SPIDR: variants seen among roughly 807,000 people sequenced by gnomAD.
SPIDR encodes scaffold protein involved in DNA repair.
A neutral mutation model predicts 104.6 loss-of-function variants in SPIDR; 93 were observed. That is an observed-to-expected ratio of 0.89 (90% confidence interval 0.75 to 1.06). The LOEUF is 1.06. Ranked by LOEUF, SPIDR falls within the 50% of genes least tolerant of loss-of-function variation. The pLI is 0.00. For missense variants in SPIDR, 1,154 were observed against 1,111.2 expected, an observed-to-expected ratio of 1.04 and a Z score of -0.55; for synonymous variants, 431 against 416.9, an observed-to-expected ratio of 1.03 and a Z score of -0.41.
chr8:47,558,776 A>G (rs1235592156), intron 8 of SPIDR, among the ~76,000 whole-genome samples: 2 of 152,016 alleles, frequency 1.3e-5, no homozygotes, highest in East Asian at 1.9e-4. Context: ...AGTAGCTCGG[A>G]CTACAGGCGC....
Position 47,507,605 on chromosome 8 carries a change from C to T in SPIDR, c.1097+67063C>T, listed in dbSNP as rs148551319. Among the ~76,000 whole-genome samples the T allele has an allele frequency of 2.8e-3, 426 of 152,302 alleles. 2 individuals are homozygous for T. The highest frequency in any genetic ancestry group is 1.0e-2 in the African/African-American group (414 of 41,564). On this transcript the variant is annotated intron_variant, in intron 8 of 19. Transcript: ENST00000297423. ...ATCAGTAATATAAGCTTCTTGTTGA[C>T]GGAACTTAATTTTGGATGCTATTCA...
At chr8:47,586,648 G>A (rs2060282121) in intron 8 of SPIDR, among the ~76,000 whole-genome samples, 1 of 152,120 alleles carries the variant, frequency 6.6e-6, no homozygotes, top group African/African-American at 2.4e-5. Context: ...TTGGTATGTG[G>A]TTTGAAATTG....
rs1353971937 is a variant in SPIDR, at chr8:47,501,082, T to C, written c.1097+60540T>C. 3.3e-5 allele frequency among the ~76,000 whole-genome samples: 5 copies of C among 152,318 alleles called. 1 individual carries two copies. Among genetic ancestry groups the C allele is most frequent in the African/African-American group, 7.2e-5 (3 of 41,586 alleles). On this transcript the variant is annotated intron_variant, in intron 8 of 19. Coordinates refer to ENST00000297423, the MANE Select transcript of SPIDR (RefSeq NM_001080394.4). ...AGTTTGAAGTCAGGTAGCGTGATGC[T>C]TCCAGCTTTGTTCTTTTGGCTTAGG...
At chr8:47,635,181 A>G (rs2067702538) in intron 10 of SPIDR, among the ~76,000 whole-genome samples, 1 of 151,990 alleles carries the variant, frequency 6.6e-6, no homozygotes, top group Non-Finnish European at 1.5e-5. Flanking sequence ...ACTTAAAAAA[A>G]AAAAATACAA....
At chr8:47,566,055 G>A (rs1460360012) in intron 8 of SPIDR, among the ~76,000 whole-genome samples, 2 of 124,114 alleles carry the variant, frequency 1.6e-5, no homozygotes, top group South Asian at 2.7e-4. Context: ...TGCACAGGCT[G>A]GAGTGCAGTG....
intron 8 of SPIDR, among the ~76,000 whole-genome samples, chr8:47,467,534 C>T (rs950311196): frequency 6.6e-6 from 1 of 152,154 alleles, no homozygotes; most frequent in Non-Finnish European, 1.5e-5. Context: ...GGCTTTATCC[C>T]TGGGATGCAA....
intron 8 of SPIDR, among the ~76,000 whole-genome samples, chr8:47,571,568 T>G (rs1436416808): frequency 6.6e-6 from 1 of 152,138 alleles, no homozygotes; most frequent in Non-Finnish European, 1.5e-5. Context: ...AAATGCAAAT[T>G]TAATTAATAT....
chr8:47,444,025 C>T (rs1364170011), intron 8 of SPIDR, among the ~76,000 whole-genome samples: 2 of 152,006 alleles, frequency 1.3e-5, no homozygotes, highest in Admixed American at 1.3e-4. Context: ...AAGTCACCAA[C>T]TTACAAAAAA....
At chr8:47,424,182 G>A (rs988557917) in intron 7 of SPIDR, among the ~76,000 whole-genome samples, 7 of 152,224 alleles carry the variant, frequency 4.6e-5, no homozygotes, top group Admixed American at 1.3e-4. Flanking sequence ...CTGAGTTCAG[G>A]AGATGTGAGT....
chr8:47,703,318 G>A (rs1411819582), intron 14 of SPIDR, among the ~76,000 whole-genome samples: 1 of 152,222 alleles, frequency 6.6e-6, no homozygotes, highest in Non-Finnish European at 1.5e-5. Context: ...GAATAAGAGA[G>A]TGACTAAAAG....
chr8:47,368,343 CAAAAAAAAAAAAAAAAAAAAA>C (rs34106189), intron 5 of SPIDR, among the ~76,000 whole-genome samples: 117 of 49,418 alleles, frequency 2.4e-3, no homozygotes, highest in East Asian at 9.8e-3. Flanking sequence ...GTTGAGAAGT[CAAAAAAAAAAAAAAAAAAAAA>C]AAAAAAAAAA....
At chr8:47,452,375 A>G (rs2071973579) in intron 8 of SPIDR, among the ~76,000 whole-genome samples, 1 of 152,204 alleles carries the variant, frequency 6.6e-6, no homozygotes, top group Non-Finnish European at 1.5e-5. Context: ...GGCCAGCATC[A>G]TCCTGATACC....
At chr8:47,537,916 C>T (rs1375538859) in intron 8 of SPIDR, among the ~76,000 whole-genome samples, 3 of 152,172 alleles carry the variant, frequency 2.0e-5, no homozygotes, top group African/African-American at 7.2e-5. Context: ...GTGGCTCACA[C>T]CTGTAATCCC....
intron 8 of SPIDR, among the ~76,000 whole-genome samples, chr8:47,559,914 C>A (rs1054098453): frequency 6.6e-6 from 1 of 152,114 alleles, no homozygotes; most frequent in African/African-American, 2.4e-5. Context: ...TGAAAGACGA[C>A]CTGCTGATAA....
intron 8 of SPIDR, among the ~76,000 whole-genome samples, chr8:47,473,254 G>A (rs1006804142): frequency 4.6e-5 from 7 of 152,198 alleles, no homozygotes; most frequent in Non-Finnish European, 1.0e-4. Flanking sequence ...GAAGCATAAC[G>A]TGTTATACCC....
intron 12 of SPIDR, among the ~76,000 whole-genome samples, chr8:47,700,794 C>T (rs1393837466): frequency 6.6e-6 from 1 of 152,172 alleles, no homozygotes; most frequent in Non-Finnish European, 1.5e-5. Context: ...GGGTCTCAGC[C>T]TTGTACTAAA....
rs1209282538 is a variant in SPIDR, at chr8:47,279,945, A to C, written c.117A>C (p.Ala39=). 1 of 1,614,076 alleles carries C rather than the reference A, an allele frequency of 6.2e-7. No individual in the cohort carries two copies. The highest frequency in any genetic ancestry group is 1.3e-5 in the African/African-American group (1 of 74,944). Residue 39 remains alanine (A), a synonymous_variant, in exon 2 of 20, where the codon GCA becomes GCC. Transcript: ENST00000297423. ...TCAGAAGAGCAGGTCTCAGGACAGC[A>C]GGGGCAGCTGCCTCTCTCTCTGAAG... is the stretch of plus-strand genomic sequence containing the variant. ...LQVRRAGLRT[A]GAAASLSEAW... is the part of the protein sequence containing the mutation.
chr8:47,319,980 C>A (rs1479695612), intron 5 of SPIDR, among the ~76,000 whole-genome samples: 4 of 151,332 alleles, frequency 2.6e-5, no homozygotes, highest in African/African-American at 9.7e-5. Context: ...CACTAAATGC[C>A]CACAAGAGAA....
At chr8:47,541,673 G>T (rs1272894430) in intron 8 of SPIDR, among the ~76,000 whole-genome samples, 2 of 152,184 alleles carry the variant, frequency 1.3e-5, no homozygotes, top group Non-Finnish European at 2.9e-5. Context: ...AAGGCAGGTG[G>T]ATCACCTGAG....
Sources: allele counts gnomAD v4.1 joint callset (sites outside exome capture counted in the v4.1 genomes callset), GRCh38; gene constraint gnomAD v4.1.1; transcripts MANE v1.5; gene names NCBI Gene and HGNC (gene_info 2026-07-23, HGNC 2026-07-21).